The following CPEB3 variants were observed in gnomAD, a reference collection of about 807,000 sequenced individuals.
The protein encoded by CPEB3 is cytoplasmic polyadenylation element-binding protein 3.
In CPEB3, 20 loss-of-function variants were observed where a neutral mutation model predicts 67.2. The ratio of observed to expected loss-of-function variants is 0.30; its 90% CI spans 0.21 to 0.43. The LOEUF (loss-of-function observed/expected upper bound fraction) is 0.43. Ranked by LOEUF, CPEB3 falls within the 20% of genes least tolerant of loss-of-function variation. The pLI, the probability that CPEB3 is intolerant of heterozygous loss-of-function variation, is 1.00. For synonymous variants in CPEB3, 376 were observed against 393.1 expected (o/e 0.96, Z 0.51); for missense variants, 746 against 968.6 (o/e 0.77, Z 3.05).
chr10:92,238,146 C>T (rs1448614088), intron 2 of CPEB3, among the ~76,000 whole-genome samples: 3 of 152,190 alleles, frequency 2.0e-5, no homozygotes, highest in Non-Finnish European at 4.4e-5. Flanking sequence ...CTTGACCATC[C>T]AAATTGGGTC....
At chr10:92,159,460 T>C (rs1847361421) in intron 4 of CPEB3, among the ~76,000 whole-genome samples, 1 of 152,000 alleles carries the variant, frequency 6.6e-6, no homozygotes, top group African/African-American at 2.4e-5. Flanking sequence ...TCATCTGAGG[T>C]CAGGAGTTTG....
At chr10:92,219,342 ACT>A (rs1176100024) in intron 2 of CPEB3, among the ~76,000 whole-genome samples, 1 of 152,092 alleles carries the variant, frequency 6.6e-6, no homozygotes, top group East Asian at 1.9e-4. Flanking sequence ...TGAAATCTTC[ACT>A]GTCTTTCAGT....
At chr10:92,054,940 A>T (rs1842056165) in intron 9 of CPEB3, among the ~76,000 whole-genome samples, 2 of 152,198 alleles carry the variant, frequency 1.3e-5, no homozygotes, top group Admixed American at 1.3e-4. Flanking sequence ...TCAGAAGCAA[A>T]GTAAATGTCT....
chr10:92,281,257 G>A (rs754066185), intron 1 of CPEB3, among the ~76,000 whole-genome samples: 57 of 151,188 alleles, frequency 3.8e-4, no homozygotes, highest in Non-Finnish European at 6.3e-4. Context: ...GTTTTTGGGC[G>A]GGGGTGCAGG....
chr10:92,097,302 G>C (rs1221283104), intron 7 of CPEB3, among the ~76,000 whole-genome samples: 3 of 152,206 alleles, frequency 2.0e-5, no homozygotes, highest in African/African-American at 7.2e-5. Context: ...CTGCGGACCA[G>C]ATCTATGCCA....
chr10:92,078,469 T>C (rs752797024), intron 9 of CPEB3, among the ~76,000 whole-genome samples: 1 of 152,034 alleles, frequency 6.6e-6, no homozygotes, highest in Non-Finnish European at 1.5e-5. Context: ...CTGAGGCTTC[T>C]GGCCTTAAGT....
At chr10:92,282,085 A>G (rs1842319534) in intron 1 of CPEB3, among the ~76,000 whole-genome samples, 1 of 152,198 alleles carries the variant, frequency 6.6e-6, no homozygotes, top group African/African-American at 2.4e-5. Flanking sequence ...TAAAATTGAT[A>G]CTTCAGGAAC....
At chr10:92,148,301 T>G (rs1042723162) in intron 4 of CPEB3, among the ~76,000 whole-genome samples, 2 of 152,174 alleles carry the variant, frequency 1.3e-5, no homozygotes, top group African/African-American at 4.8e-5. Context: ...CGATTATTCC[T>G]CCTTGCTGCT....
intron 6 of CPEB3, among the ~76,000 whole-genome samples, chr10:92,133,491 C>G (rs1396409597): frequency 5.3e-5 from 8 of 152,064 alleles, no homozygotes; most frequent in Non-Finnish European, 1.0e-4. Flanking sequence ...TCTCTGAATA[C>G]ACCAATAACA....
chr10:92,143,784 T>G (rs193127305), intron 5 of CPEB3, among the ~76,000 whole-genome samples: 7 of 152,302 alleles, frequency 4.6e-5, no homozygotes, highest in Non-Finnish European at 8.8e-5. Flanking sequence ...TTAAAAATTG[T>G]CTTGAAGATA....
At chr10:92,188,698 C>T (rs552542609) in intron 3 of CPEB3, among the ~76,000 whole-genome samples, 15 of 151,650 alleles carry the variant, frequency 9.9e-5, no homozygotes, top group African/African-American at 3.1e-4. Context: ...CCAGCCTGGG[C>T]GACAGAGCCA....
intron 9 of CPEB3, among the ~76,000 whole-genome samples, chr10:92,077,468 G>C (rs1477958314): frequency 6.6e-6 from 1 of 152,104 alleles, no homozygotes; most frequent in Non-Finnish European, 1.5e-5. Flanking sequence ...ATAAAGAAAG[G>C]ATGTTGGGCC....
At chr10:92,059,470 G>A (rs1329519751) in intron 9 of CPEB3, among the ~76,000 whole-genome samples, 1 of 151,896 alleles carries the variant, frequency 6.6e-6, no homozygotes, top group Non-Finnish European at 1.5e-5. Flanking sequence ...CAAAACCTAT[G>A]GATACAGCAA....
At chr10:92,226,644 A>G (rs1850988626) in intron 2 of CPEB3, among the ~76,000 whole-genome samples, 1 of 152,238 alleles carries the variant, frequency 6.6e-6, no homozygotes, top group South Asian at 2.1e-4. Flanking sequence ...TGGAAGAACA[A>G]AACAAAATAA....
chr10:92,272,007 C>A (rs1853327575), intron 1 of CPEB3: 1 of 152,214 alleles, frequency 6.6e-6, no homozygotes, highest in South Asian at 2.1e-4. Context: ...ATATTTATTT[C>A]TATGGGTCCA....
Position 92,264,042 on chromosome 10 carries a change from A to T in CPEB3, c.-11-23681T>A, listed in dbSNP as rs546414952. 5.3e-5 allele frequency among the ~76,000 whole-genome samples: 8 copies of T among 152,198 alleles called. No homozygotes were observed. The East Asian group carries it at 5.8e-4, about 11-fold the overall frequency. On this transcript the variant is annotated intron_variant, in intron 1 of 9. Transcript: ENST00000265997. ...AGATAAGGAAACTTAGAAATAATCA[A>T]TAATGGCTGGTTGCAGTGACTCACG...
chr10:92,127,312 A>T (rs1845646977), intron 6 of CPEB3, among the ~76,000 whole-genome samples: 1 of 152,102 alleles, frequency 6.6e-6, no homozygotes, highest in Admixed American at 6.6e-5. Flanking sequence ...GAGTAAGAGG[A>T]ATACAGAAAA....
intron 4 of CPEB3, among the ~76,000 whole-genome samples, chr10:92,147,631 C>T (rs1417233903): frequency 1.3e-5 from 2 of 152,102 alleles, no homozygotes; most frequent in Admixed American, 6.6e-5. Flanking sequence ...CAGGCAAGTA[C>T]ATAAATAATT....
intron 1 of CPEB3, among the ~76,000 whole-genome samples, chr10:92,251,853 A>G: frequency 6.6e-6 from 1 of 152,080 alleles, no homozygotes; most frequent in East Asian, 1.9e-4. Context: ...AGGCATGAGA[A>G]TAGTTTGAAC....
Sources: gnomAD v4.1 joint callset for allele counts (sites outside exome capture counted in the v4.1 genomes callset) on GRCh38, gnomAD v4.1.1 for gene constraint, MANE v1.5 for transcripts, NCBI Gene and HGNC (gene_info 2026-07-23, HGNC 2026-07-21) for gene names.